The following SGMS1 variants were observed in gnomAD, a reference collection of about 807,000 sequenced individuals.
The protein encoded by SGMS1 is sphingomyelin synthase 1, also known as phosphatidylcholine:ceramide cholinephosphotransferase 1.
SGMS1 carries 13 observed loss-of-function variants against 46.2 expected under a neutral mutation model. That is an observed-to-expected ratio of 0.28 (90% CI 0.18 to 0.45). SGMS1 has a LOEUF of 0.45. Among genes scored for constraint, SGMS1 ranks in the 20% least tolerant of loss-of-function variants. The pLI, the probability that SGMS1 is intolerant of heterozygous loss-of-function variation, is 1.00. For synonymous variants in SGMS1, 203 were observed against 187.8 expected (o/e 1.08, Z -0.66); for missense variants, 324 against 519.9 (o/e 0.62, Z 3.66).
chr10:50,609,255 G>A (rs1241424362), intron 1 of SGMS1, among the ~76,000 whole-genome samples: 2 of 152,156 alleles, frequency 1.3e-5, no homozygotes, highest in Non-Finnish European at 1.5e-5. Flanking sequence ...ACAGACATGA[G>A]CCACCATGCC....
At chr10:50,325,972 C>CT (rs1449767099) in intron 8 of SGMS1, among the ~76,000 whole-genome samples, 1 of 151,958 alleles carries the variant, frequency 6.6e-6, no homozygotes, top group Non-Finnish European at 1.5e-5. Context: ...CAGGTGAGTG[C>CT]TTGAGAGCTT....
intron 2 of SGMS1, among the ~76,000 whole-genome samples, chr10:50,575,171 A>C (rs1291621610): frequency 1.3e-5 from 2 of 152,048 alleles, no homozygotes; most frequent in Non-Finnish European, 2.9e-5. Context: ...ATACAAAACA[A>C]AATGAGTAAG....
rs576945026 is a variant in SGMS1 at position 50,511,019 on chromosome 10, C to T, written c.-498+8812G>A. On this transcript the variant is annotated intron_variant, in intron 3 of 10. Transcript: ENST00000361781. Reference sequence around the variant, plus strand: ...TAAATGATGAGGACTTTCTTTTGACCTTTTCCCTTACCACATTAAAAAGCC... The same window carrying T: ...TAAATGATGAGGACTTTCTTTTGACTTTTTCCCTTACCACATTAAAAAGCC... 2.0e-5 allele frequency among the ~76,000 whole-genome samples: 3 copies of T among 152,102 alleles called. 1 individual carries two copies. In the South Asian group the frequency reaches 6.2e-4, roughly 32 times the overall value.
chr10:50,432,692 T>C (rs1053436311), intron 6 of SGMS1, among the ~76,000 whole-genome samples: 1 of 152,256 alleles, frequency 6.6e-6, no homozygotes. Context: ...ATATGATTTA[T>C]TGTGCCAGTA....
intron 1 of SGMS1, among the ~76,000 whole-genome samples, chr10:50,611,742 C>T (rs1014127395): frequency 5.3e-5 from 8 of 152,322 alleles, no homozygotes; most frequent in African/African-American, 1.7e-4. Context: ...GCTCTCCAGT[C>T]ATCCTCCACC....
chr10:50,393,539 G>A (rs1848805855), intron 6 of SGMS1, among the ~76,000 whole-genome samples: 1 of 152,046 alleles, frequency 6.6e-6, no homozygotes, highest in African/African-American at 2.4e-5. Context: ...AGACAAGCAG[G>A]AAATATATAA....
chr10:50,587,631 ATATGTGTGTGTGTG>A (rs1297199056), intron 2 of SGMS1, among the ~76,000 whole-genome samples: 10 of 118,658 alleles, frequency 8.4e-5, no homozygotes, highest in African/African-American at 2.0e-4. Context: ...CTCAAAATAT[ATATGTGTGTGTGTG>A]TGTGTGTGTG....
intron 3 of SGMS1, among the ~76,000 whole-genome samples, chr10:50,508,350 A>T (rs1476764046): frequency 6.6e-6 from 1 of 152,146 alleles, no homozygotes; most frequent in Non-Finnish European, 1.5e-5. Flanking sequence ...GTAGTGGAAA[A>T]CCAGCACAGT....
chr10:50,484,401 A>G (rs1837502544), intron 3 of SGMS1, among the ~76,000 whole-genome samples: 1 of 152,202 alleles, frequency 6.6e-6, no homozygotes, highest in Non-Finnish European at 1.5e-5. Flanking sequence ...TGAGGCAATA[A>G]TTAATAGCCT....
Position 50,458,339 on chromosome 10 carries a change from C to CTTTTTTTTTTTTTTTTT in SGMS1, c.-313+2317_-313+2333dup, listed in dbSNP as rs750349777. On this transcript the variant is annotated intron_variant, in intron 5 of 10. Coordinates refer to ENST00000361781, the MANE Select transcript of SGMS1 (RefSeq NM_147156.4). Reference sequence around the variant, plus strand: ...TCTGGCTCTGCTATTTTCTTTTTCTCTTTTTTTTTTTTTTTTTTTTTTTTT... The same window carrying CTTTTTTTTTTTTTTTTT: ...TCTGGCTCTGCTATTTTCTTTTTCTCTTTTTTTTTTTTTTTTTTTTTTTTTTTTTTTTTTTTTTTTTT... Among the ~76,000 whole-genome samples the CTTTTTTTTTTTTTTTTT allele has an allele frequency of 2.9e-4, 28 of 97,142 alleles. 1 individual carries two copies. The highest frequency in any genetic ancestry group is 3.3e-4 in the Non-Finnish European group (17 of 52,230). The allele number at this position is 97,142 out of a possible 152,430, so 63.7% of individuals were successfully genotyped here. A position where few individuals can be genotyped will look rare whatever the true frequency, so the allele number is the denominator to read the frequency against.
chr10:50,311,610 G>GA lies in SGMS1; in HGVS notation c.742-196dup, dbSNP rs572621160. ...GGGGGGGTGGGATGGTCCTACAAAT[G>GA]AATCACGTGGCTTCAGGACTTTTCA... On this transcript the variant is annotated intron_variant, in intron 8 of 10. Transcript: ENST00000361781. 6.0e-3 allele frequency among the ~76,000 whole-genome samples: 906 copies of GA among 152,266 alleles called. 8 individuals carry two copies. The highest frequency in any genetic ancestry group is 9.6e-3 in the Non-Finnish European group (653 of 68,006).
chr10:50,521,964 T>C (rs1196869587), intron 2 of SGMS1, among the ~76,000 whole-genome samples: 2 of 152,138 alleles, frequency 1.3e-5, no homozygotes, highest in African/African-American at 2.4e-5. Flanking sequence ...CATGTAAATA[T>C]CTTGTCCCTC....
chr10:50,527,063 C>CAAAAAAAA (rs573386594), intron 2 of SGMS1, among the ~76,000 whole-genome samples: 4 of 90,776 alleles, frequency 4.4e-5, no homozygotes, highest in South Asian at 4.1e-4. Context: ...GACTCTGTCT[C>CAAAAAAAA]AAAAAAAAAA....
Position 50,307,426 on chromosome 10 carries a change from G to A in SGMS1, c.1063-105C>T. The A allele has an allele frequency of 1.1e-6, 1 of 893,256 alleles. No homozygotes were observed. The highest frequency in any genetic ancestry group is 1.7e-6 in the Non-Finnish European group (1 of 588,406). 55.3% of individuals were successfully genotyped at this position (893,256 alleles called of 1,614,324 possible). A position where few individuals can be genotyped will look rare whatever the true frequency, so the allele number is the denominator to read the frequency against. ...AAAGGACTCCATACCTGCCCTGCGT[G>A]TCCACCCACATATCCCAGCTTCTCT... On this transcript the variant is annotated intron_variant, in intron 10 of 10. Transcript: ENST00000361781. The surrounding 1 kb of genome is among the most constrained non-coding windows in gnomAD (Gnocchi z 4.2).
intron 3 of SGMS1, among the ~76,000 whole-genome samples, chr10:50,495,750 T>C (rs1402505846): frequency 7.1e-6 from 1 of 141,714 alleles, no homozygotes; most frequent in Non-Finnish European, 1.5e-5. Flanking sequence ...TGATATGGAA[T>C]TGTCACCAAG....
chr10:50,318,732 T>G (rs539214846), intron 8 of SGMS1, among the ~76,000 whole-genome samples: 36 of 152,326 alleles, frequency 2.4e-4, no homozygotes, highest in African/African-American at 8.4e-4. Context: ...TTACTCCTCT[T>G]AGAATTCATA....
At chr10:50,536,226 A>G (rs866132515) in intron 2 of SGMS1, among the ~76,000 whole-genome samples, 1 of 152,074 alleles carries the variant, frequency 6.6e-6, no homozygotes, top group Non-Finnish European at 1.5e-5. Flanking sequence ...TCAGCTACTC[A>G]GGAGAATGAG....
At chr10:50,576,012 A>T (rs1466489241) in intron 2 of SGMS1, among the ~76,000 whole-genome samples, 1 of 152,158 alleles carries the variant, frequency 6.6e-6, no homozygotes, top group African/African-American at 2.4e-5. Context: ...CCTCAGCGGC[A>T]TCTGCCTTGC....
intron 2 of SGMS1, among the ~76,000 whole-genome samples, chr10:50,536,360 A>T (rs1315664028): frequency 7.2e-5 from 11 of 152,070 alleles, no homozygotes; most frequent in Non-Finnish European, 8.8e-5. Flanking sequence ...AACAAAAAAA[A>T]CCCATTTCCT....
Sources: allele counts gnomAD v4.1 joint callset (sites outside exome capture counted in the v4.1 genomes callset), GRCh38; gene constraint gnomAD v4.1.1; non-coding constraint Gnocchi (gnomAD v3.1); transcripts MANE v1.5; gene names NCBI Gene and HGNC (gene_info 2026-07-23, HGNC 2026-07-21).